Variants in VPS13B observed in about 807,000 individuals in gnomAD.
The protein encoded by VPS13B is intermembrane lipid transfer protein VPS13B.
In VPS13B, 285 loss-of-function variants were observed where a neutral mutation model predicts 426.4. That is an observed-to-expected ratio of 0.67 (90% CI 0.61 to 0.74). The LOEUF is 0.74. VPS13B is among the 30% of genes least tolerant of loss of function. The pLI, the probability that VPS13B is intolerant of heterozygous loss-of-function variation, is 0.00. For synonymous variants in VPS13B, 1,676 were observed against 1,676.4 expected (o/e 1.00, Z 0.01); for missense variants, 4,537 against 4,782.6 (o/e 0.95, Z 1.51).
At chr8:99,118,739 C>T (rs1419891633) in intron 7 of VPS13B, among the ~76,000 whole-genome samples, 1 of 152,154 alleles carries the variant, frequency 6.6e-6, no homozygotes, top group Non-Finnish European at 1.5e-5. Context: ...TTCATTGCTA[C>T]ATACACTGTA....
chr8:99,649,411 T>A (rs1041210446), intron 34 of VPS13B, among the ~76,000 whole-genome samples: 4 of 152,186 alleles, frequency 2.6e-5, no homozygotes, highest in Non-Finnish European at 5.9e-5. Flanking sequence ...TCATTTTTTT[T>A]TCCCCACTCT....
Position 99,420,736 on chromosome 8 carries a change from T to C in VPS13B, c.3083-10801T>C, listed in dbSNP as rs1203515530. Among the ~76,000 whole-genome samples, 3 of 152,158 alleles carry C rather than the reference T, an allele frequency of 2.0e-5. No homozygotes were observed. The East Asian group carries it at 5.8e-4, about 29-fold the overall frequency. On this transcript the variant is annotated intron_variant, in intron 21 of 61. Coordinates refer to ENST00000357162, the MANE Select transcript of VPS13B (RefSeq NM_152564.5). Reference sequence around the variant, plus strand: ...CATTCAAATATTTAAAGTTATACCATGAAGAATGTTACGTTATACAGAATT... The same window carrying C: ...CATTCAAATATTTAAAGTTATACCACGAAGAATGTTACGTTATACAGAATT...
At chr8:99,407,572 C>T (rs980505909) in intron 21 of VPS13B, among the ~76,000 whole-genome samples, 3 of 152,056 alleles carry the variant, frequency 2.0e-5, no homozygotes, top group South Asian at 2.1e-4. Flanking sequence ...TTGAACTAAG[C>T]GACTTTTCCA....
At chr8:99,406,585 A>G (rs2133347721) in intron 21 of VPS13B, among the ~76,000 whole-genome samples, 1 of 152,290 alleles carries the variant, frequency 6.6e-6, no homozygotes, top group East Asian at 1.9e-4. Flanking sequence ...CTGCTACATC[A>G]GAAATTTAGA....
chr8:99,634,875 A>G (rs1829008399), intron 33 of VPS13B, among the ~76,000 whole-genome samples: 2 of 152,136 alleles, frequency 1.3e-5, no homozygotes, highest in African/African-American at 4.8e-5. Context: ...TCATTAATAA[A>G]ATGATAAAGG....
At chr8:99,520,175 T>C (rs1380194097) in intron 29 of VPS13B, among the ~76,000 whole-genome samples, 1 of 152,166 alleles carries the variant, frequency 6.6e-6, no homozygotes, top group Non-Finnish European at 1.5e-5. Flanking sequence ...TATCATAGTT[T>C]TAGACGTCAT....
rs1227203834 is a variant in VPS13B, at chr8:99,876,596, T to TTTTG, written c.*934_*937dup. 3.9e-5 allele frequency: 6 copies of TTTTG among 152,214 alleles called. No individual in the cohort carries two copies. Among genetic ancestry groups the TTTTG allele is most frequent in the South Asian group, 4.1e-4 (2 of 4,836 alleles). 9.4% of individuals were successfully genotyped at this position (152,214 alleles called of 1,614,324 possible). A position where few individuals can be genotyped will look rare whatever the true frequency, so the allele number is the denominator to read the frequency against. On this transcript the variant is annotated 3_prime_UTR_variant, in exon 62 of 62. Transcript: ENST00000357162. ...TAATGCTAACAATTATACCAGTCCA[T>TTTTG]TTTGTTTATTCTGTGGAATTGACTT...
intron 19 of VPS13B, among the ~76,000 whole-genome samples, chr8:99,381,851 G>A (rs1293519827): frequency 6.6e-6 from 1 of 151,114 alleles, no homozygotes; most frequent in Admixed American, 6.6e-5. Flanking sequence ...TCCCATTCTG[G>A]CATTTTCTCC....
chr8:99,471,563 A>T (rs931427799), intron 24 of VPS13B, among the ~76,000 whole-genome samples: 11 of 152,262 alleles, frequency 7.2e-5, no homozygotes, highest in African/African-American at 2.6e-4. Flanking sequence ...TTAAATACTA[A>T]AAAATATTCA....
chr8:99,424,445 G>T (rs1405896071), intron 21 of VPS13B: 2 of 152,058 alleles, frequency 1.3e-5, no homozygotes, highest in Non-Finnish European at 2.9e-5. Context: ...TGAACAACCT[G>T]CTCCTGAATG....
chr8:99,187,854 G>C (rs1813307084), intron 16 of VPS13B, among the ~76,000 whole-genome samples: 1 of 152,166 alleles, frequency 6.6e-6, no homozygotes, highest in African/African-American at 2.4e-5. Context: ...CATTGTCCCA[G>C]TTACTCGGGT....
At position 99,817,682 on chromosome 8, in the gene VPS13B, C is replaced by T. The variant is rs760814727; in HGVS notation, c.8240C>T (p.Pro2747Leu). 6.2e-7 allele frequency: 1 copy of T among 1,614,044 alleles called. No homozygotes were observed. The highest frequency in any genetic ancestry group is 8.5e-7 in the Non-Finnish European group (1 of 1,179,992). The change falls in exon 45 of 62, where the codon CCT becomes CTT. Residue 2747 changes from proline to leucine, a missense_variant. By Grantham distance (98) the Pro-to-Leu change is moderately conservative (BLOSUM62 -3). Coordinates refer to ENST00000357162, the MANE Select transcript of VPS13B (RefSeq NM_152564.5). Reference protein sequence around the residue: ...FDCLTAKQKLPSYILENNELT... With the variant: ...FDCLTAKQKLLSYILENNELT... ...TGCCTCACAGCCAAACAGAAATTGC[C>T]TTCGTACATACTAGAAAACAATGAA... is the stretch of plus-strand genomic sequence containing the variant.
At chr8:99,850,343 A>C (rs988319381) in intron 55 of VPS13B, among the ~76,000 whole-genome samples, 1 of 135,476 alleles carries the variant, frequency 7.4e-6, no homozygotes, top group African/African-American at 3.0e-5. Flanking sequence ...GTATGTACTT[A>C]TACATACATA....
chr8:99,141,801 T>G (rs555631066), intron 12 of VPS13B, among the ~76,000 whole-genome samples: 114 of 151,658 alleles, frequency 7.5e-4, no homozygotes, highest in Middle Eastern at 3.4e-3. Context: ...TCTCAGCACT[T>G]TGGGAGGCCG....
At chr8:99,114,638 A>G (rs1158750794) in intron 6 of VPS13B, among the ~76,000 whole-genome samples, 2 of 152,076 alleles carry the variant, frequency 1.3e-5, no homozygotes, top group Admixed American at 6.6e-5. Context: ...TTACCTCTTC[A>G]TTGTTTATTC....
At chr8:99,342,601 G>A (rs1165077007) in intron 19 of VPS13B, among the ~76,000 whole-genome samples, 1 of 152,052 alleles carries the variant, frequency 6.6e-6, no homozygotes, top group Non-Finnish European at 1.5e-5. Flanking sequence ...CTGAATAGTA[G>A]TCTATTGTGT....
At position 99,233,684 on chromosome 8, in the gene VPS13B, G is replaced by A. The variant is rs565478927; in HGVS notation, c.2516-40514G>A. 2.8e-4 allele frequency: 227 copies of A among 807,272 alleles called. No individual in the cohort carries two copies. The African/African-American group carries it at 3.5e-3, about 12-fold the overall frequency. The allele number at this position is 807,272 out of a possible 1,614,324, so 50.0% of individuals were successfully genotyped here. A position where few individuals can be genotyped will look rare whatever the true frequency, so the allele number is the denominator to read the frequency against. ...GCCCTTCACAGTGATGGTTCTTTCC[G>A]GGTTGCATATGCTCAAATCCTGCAA... On this transcript the variant is annotated intron_variant, in intron 17 of 61. Transcript: ENST00000357162.
Position 99,521,114 on chromosome 8 carries a change from G to T in VPS13B, c.4745+104G>T, listed in dbSNP as rs1822362026. Reference sequence around the variant, plus strand: ...GCCTGTAGAAATATTTCTCATTCAGGATCTTTTGATATTTAAAACCAGGTT... The same window carrying T: ...GCCTGTAGAAATATTTCTCATTCAGTATCTTTTGATATTTAAAACCAGGTT... On this transcript the variant is annotated intron_variant, in intron 30 of 61. Coordinates refer to ENST00000357162, the MANE Select transcript of VPS13B (RefSeq NM_152564.5). The T allele has an allele frequency of 4.2e-6, 4 of 944,466 alleles. No homozygotes were observed. In the Admixed American group the frequency reaches 8.4e-5, roughly 20 times the overall value. 58.5% of individuals were successfully genotyped at this position (944,466 alleles called of 1,614,324 possible).
At chr8:99,660,317 A>G (rs954896429) in intron 34 of VPS13B, among the ~76,000 whole-genome samples, 1 of 152,224 alleles carries the variant, frequency 6.6e-6, no homozygotes, top group Non-Finnish European at 1.5e-5. Context: ...ATACTAAATA[A>G]CCATATGTTG....
Sources: allele counts gnomAD v4.1 joint callset (sites outside exome capture counted in the v4.1 genomes callset), GRCh38; gene constraint gnomAD v4.1.1; transcripts MANE v1.5; gene names NCBI Gene and HGNC (gene_info 2026-07-23, HGNC 2026-07-21).